PAX5: variants seen among roughly 807,000 people sequenced by gnomAD.
PAX5 encodes the protein paired box 5.
In PAX5, 9 loss-of-function variants were observed where a neutral mutation model predicts 43.7. The observed-to-expected ratio is 0.21, with a 90% CI of 0.12 to 0.36. PAX5 has a LOEUF of 0.36. Among genes scored for constraint, PAX5 ranks in the 10% least tolerant of loss-of-function variants. PAX5 has a pLI of 1.00. For synonymous variants in PAX5, 228 were observed against 214.3 expected, an observed-to-expected ratio of 1.06 and a Z score of -0.56; for missense variants, 383 against 532.7, an observed-to-expected ratio of 0.72 and a Z score of 2.77.
At chr9:36,924,709 G>A (rs1410656883) in intron 6 of PAX5, among the ~76,000 whole-genome samples, 5 of 124,662 alleles carry the variant, frequency 4.0e-5, no homozygotes, top group African/African-American at 1.5e-4. Flanking sequence ...GACAGAGCAA[G>A]ACTCTGTCAA....
intron 6 of PAX5, among the ~76,000 whole-genome samples, chr9:36,935,037 G>T (rs10973131): frequency 0.048 from 7,325 of 152,214 alleles, 296 homozygotes; most frequent in Middle Eastern, 0.068. Flanking sequence ...GGCCAAACAC[G>T]CTCTTTATTC....
chr9:36,920,360 T>C (rs367750695), intron 7 of PAX5, among the ~76,000 whole-genome samples: 3 of 152,118 alleles, frequency 2.0e-5, no homozygotes, highest in East Asian at 1.9e-4. Context: ...AACTTCATCA[T>C]TGTCTATTTT....
At chr9:36,869,624 C>T (rs192947351) in intron 8 of PAX5, among the ~76,000 whole-genome samples, 180 of 152,358 alleles carry the variant, frequency 1.2e-3, no homozygotes, top group African/African-American at 4.0e-3. Context: ...CTCTGTGTTC[C>T]CAGAGTCCCT....
At chr9:36,865,927 G>A (rs1045909069) in intron 8 of PAX5, among the ~76,000 whole-genome samples, 1 of 152,270 alleles carries the variant, frequency 6.6e-6, no homozygotes, top group Non-Finnish European at 1.5e-5. Context: ...GTGCCACGCT[G>A]TGAAAAGCAA....
intron 6 of PAX5, among the ~76,000 whole-genome samples, chr9:36,953,989 T>G (rs916034456): frequency 6.6e-6 from 1 of 152,142 alleles, no homozygotes; most frequent in Non-Finnish European, 1.5e-5. Context: ...GGAGAATCAC[T>G]TGAGCCTGGG....
chr9:36,997,888 G>A (rs911883454), intron 5 of PAX5, among the ~76,000 whole-genome samples: 1 of 152,352 alleles, frequency 6.6e-6, no homozygotes, highest in Non-Finnish European at 1.5e-5. Context: ...GGAAAGACAA[G>A]TGGGTAGATG....
chr9:36,984,205 C>T (rs1836180567), intron 5 of PAX5, among the ~76,000 whole-genome samples: 1 of 152,126 alleles, frequency 6.6e-6, no homozygotes, highest in Non-Finnish European at 1.5e-5. Flanking sequence ...CAGTGCTCCT[C>T]CTGCCCTGAA....
At chr9:36,988,887 C>G (rs1035319398) in intron 5 of PAX5, among the ~76,000 whole-genome samples, 1 of 152,142 alleles carries the variant, frequency 6.6e-6, no homozygotes, top group Non-Finnish European at 1.5e-5. Context: ...CCAGAAAAGG[C>G]AGGAATTATT....
chr9:37,017,540 G>C (rs993355383), intron 2 of PAX5, among the ~76,000 whole-genome samples: 2 of 152,250 alleles, frequency 1.3e-5, no homozygotes, highest in African/African-American at 4.8e-5. Flanking sequence ...TAGTCACCGA[G>C]TGTCTGTTAG....
chr9:36,847,342 C>T (rs1822690909), intron 8 of PAX5, among the ~76,000 whole-genome samples: 1 of 152,150 alleles, frequency 6.6e-6, no homozygotes. Flanking sequence ...TGAGTGAAGC[C>T]AATCCAGGAC....
intron 8 of PAX5, among the ~76,000 whole-genome samples, chr9:36,862,711 G>A (rs150816284): frequency 2.1e-4 from 32 of 152,264 alleles, no homozygotes; most frequent in Admixed American, 1.9e-3. Flanking sequence ...CCTGTTTCCC[G>A]TCTTGGCCCA....
chr9:36,872,066 T>G (rs893376655), intron 8 of PAX5, among the ~76,000 whole-genome samples: 16 of 152,206 alleles, frequency 1.1e-4, no homozygotes, highest in African/African-American at 3.9e-4. Context: ...ACCCTAAGAT[T>G]GCAGATTCCA....
chr9:37,028,379 C>G (rs1388781596), intron 1 of PAX5, among the ~76,000 whole-genome samples: 1 of 152,218 alleles, frequency 6.6e-6, no homozygotes, highest in Non-Finnish European at 1.5e-5. Context: ...CGTCGTCCAC[C>G]CTCCTCCCTC....
intron 6 of PAX5, among the ~76,000 whole-genome samples, chr9:36,946,219 G>A (rs1397702199): frequency 6.6e-6 from 1 of 152,180 alleles, no homozygotes; most frequent in Non-Finnish European, 1.5e-5. Context: ...GTGACTCCCT[G>A]AGGCTCGCAG....
In PAX5 at chr9:36,952,234, C is replaced by CTTTTTTTTTTTTTTTTTT. The variant is rs138009049; in HGVS notation, c.780+14297_780+14314dup. Among the ~76,000 whole-genome samples the CTTTTTTTTTTTTTTTTTT allele has an allele frequency of 1.4e-4, 9 of 66,626 alleles. 2 individuals carry two copies. The highest frequency in any genetic ancestry group is 1.8e-4 in the Non-Finnish European group (7 of 39,152). 43.7% of individuals were successfully genotyped at this position (66,626 alleles called of 152,430 possible). ...TTTTTAATATGCTCTGACCATCTCC[C>CTTTTTTTTTTTTTTTTTT]TTTTTTTTTTTTTTTTTTTTTTTGA... On this transcript the variant is annotated intron_variant, in intron 6 of 9. Coordinates refer to ENST00000358127, the MANE Select transcript of PAX5 (RefSeq NM_016734.3).
intron 7 of PAX5, among the ~76,000 whole-genome samples, chr9:36,884,786 T>C (rs764946141): frequency 3.9e-5 from 6 of 152,126 alleles, no homozygotes; most frequent in Non-Finnish European, 5.9e-5. Flanking sequence ...TTCGGTGAAA[T>C]AGCCAGGTAA....
intron 8 of PAX5, among the ~76,000 whole-genome samples, chr9:36,849,589 G>A (rs1051138042): frequency 6.6e-5 from 10 of 152,224 alleles, no homozygotes; most frequent in South Asian, 2.1e-4. Flanking sequence ...TAACTCAGGC[G>A]ACAGCTCTCA....
At chr9:36,888,266 G>A (rs1827071861) in intron 7 of PAX5, among the ~76,000 whole-genome samples, 1 of 152,202 alleles carries the variant, frequency 6.6e-6, no homozygotes, top group South Asian at 2.1e-4. Flanking sequence ...ACTCCTAGGT[G>A]TACACCCCAG....
chr9:36,920,951 T>C (rs1363967773), intron 7 of PAX5, among the ~76,000 whole-genome samples: 1 of 151,928 alleles, frequency 6.6e-6, no homozygotes, highest in Non-Finnish European at 1.5e-5. Context: ...GTAGCTAGGA[T>C]TACAGGCATG....
Sources: allele counts gnomAD v4.1 joint callset (sites outside exome capture counted in the v4.1 genomes callset), GRCh38; gene constraint gnomAD v4.1.1; transcripts MANE v1.5; gene names NCBI Gene and HGNC (gene_info 2026-07-23, HGNC 2026-07-21).